Variants in HNRNPR observed in about 807,000 individuals in gnomAD.
HNRNPR encodes heterogeneous nuclear ribonucleoprotein R.
A neutral mutation model predicts 70.3 loss-of-function variants in HNRNPR; 4 were observed. That is an observed-to-expected ratio of 0.06 (90% confidence interval 0.03 to 0.13). The LOEUF is 0.13. Among genes scored for constraint, HNRNPR ranks in the 10% least tolerant of loss-of-function variants. HNRNPR has a pLI of 1.00. For synonymous variants in HNRNPR, 241 were observed against 267.6 expected (o/e 0.90, Z 0.97); for missense variants, 423 against 788.5 (o/e 0.54, Z 5.55).
intron 4 of HNRNPR, among the ~76,000 whole-genome samples, chr1:23,335,079 G>A (rs911450693): frequency 5.9e-5 from 9 of 152,120 alleles, no homozygotes; most frequent in East Asian, 1.9e-4. Context: ...CACCACACCC[G>A]GCTAATTTTT....
intron 8 of HNRNPR, among the ~76,000 whole-genome samples, chr1:23,317,251 G>A (rs1645580902): frequency 6.6e-6 from 1 of 152,096 alleles, no homozygotes; most frequent in Non-Finnish European, 1.5e-5. Context: ...AGGGTCAGGA[G>A]ATGGACACCA....
At chr1:23,334,234 C>CT (rs35129252) in intron 4 of HNRNPR, among the ~76,000 whole-genome samples, 59,911 of 105,176 alleles carry the variant, frequency 0.57, 20,580 homozygotes, top group Non-Finnish European at 0.74. Context: ...TTCTAGTGTA[C>CT]TTTTTTTTTT....
At chr1:23,340,712 T>C in intron 2 of HNRNPR, 140 bp downstream of exon 2, 1 of 689,228 alleles carries the variant, frequency 1.5e-6, no homozygotes, top group South Asian at 2.4e-5. Context: ...CCAATATGCC[T>C]TCAATGAAGG....
chr1:23,321,480 G>A, intron 7 of HNRNPR, 48 bp downstream of exon 7: 1 of 1,540,536 alleles, frequency 6.5e-7, no homozygotes, highest in Non-Finnish European at 8.9e-7. Flanking sequence ...CTTGTAAGTA[G>A]TACAACATAT....
intron 8 of HNRNPR, among the ~76,000 whole-genome samples, chr1:23,317,274 T>C (rs183608206): frequency 6.6e-6 from 1 of 151,602 alleles, no homozygotes; most frequent in African/African-American, 2.4e-5. Context: ...CTGGCTAACA[T>C]GGTGAAACCC....
Position 23,323,660 on chromosome 1 carries a change from T to C in HNRNPR, c.571A>G (p.Ile191Val). ...TCCATCATAAGACGTAGATCCCAAA[T>C]GGGTCCGGCCTTCTCAAAAAGGGGC... Reference protein sequence around the residue: ...LVPLFEKAGPIWDLRLMMDPL... With the variant: ...LVPLFEKAGPVWDLRLMMDPL... Residue 191 changes from isoleucine (I) to valine (V), a missense_variant, in exon 6 of 11, where the codon ATT (isoleucine) becomes GTT (valine). By Grantham distance (29) the Ile-to-Val change is conservative. Around this residue, in one of 7 missense-constraint regions of HNRNPR, gnomAD observed 118 missense variants for 239.3 expected, o/e 0.49. Transcript: ENST00000302271. The C allele has an allele frequency of 6.2e-7, 1 of 1,614,134 alleles. No homozygotes were observed.
At chr1:23,334,656 G>C (rs572477044) in intron 4 of HNRNPR, among the ~76,000 whole-genome samples, 1 of 152,286 alleles carries the variant, frequency 6.6e-6, no homozygotes, top group South Asian at 2.1e-4. Flanking sequence ...ATACAGTACA[G>C]ACTAAAAATA....
At chr1:23,340,260 T>C (rs12133269) in intron 2 of HNRNPR, among the ~76,000 whole-genome samples, 2,317 of 151,640 alleles carry the variant, frequency 0.015, 31 homozygotes, top group Non-Finnish European at 0.022. Flanking sequence ...CAACCAACTA[T>C]ATTAAGATGT....
chr1:23,334,361 C>T (rs753828860), intron 4 of HNRNPR, among the ~76,000 whole-genome samples: 2 of 151,660 alleles, frequency 1.3e-5, no homozygotes, highest in Non-Finnish European at 2.9e-5. Flanking sequence ...CTCAGCCTCC[C>T]GAGCAGCTGG....
chr1:23,310,578 T>A lies in HNRNPR; in HGVS notation c.1778A>T (p.Asn593Ile). The change falls in exon 11 of 11, where the codon AAC becomes ATC. Residue 593 changes from asparagine (N) to isoleucine (I), a missense_variant. By Grantham distance (149) the Asn-to-Ile change is moderately radical (BLOSUM62 -3). Coordinates refer to ENST00000302271, the MANE Select transcript of HNRNPR (RefSeq NM_005826.5). The surrounding 1 kb of genome is among the most constrained non-coding windows in gnomAD (Gnocchi z 6.0). ...CTGAGCGATGGGTTGGGAACCCCAGTTCTGTTGGTTGTTGGTCTGACGACG... is the reference window on the plus strand; with the variant it reads ...CTGAGCGATGGGTTGGGAACCCCAGATCTGTTGGTTGTTGGTCTGACGACG... ...SKRRQTNNQQNWGSQPIAQQP... is the reference protein window; with the variant it reads ...SKRRQTNNQQIWGSQPIAQQP... The A allele has an allele frequency of 1.2e-6, 2 of 1,614,210 alleles. No individual in the cohort carries two copies. Among genetic ancestry groups the A allele is most frequent in the Admixed American group, 1.7e-5 (1 of 60,032 alleles).
chr1:23,329,324 C>T (rs548787068), intron 5 of HNRNPR, among the ~76,000 whole-genome samples: 1 of 152,164 alleles, frequency 6.6e-6, no homozygotes, highest in Non-Finnish European at 1.5e-5. Flanking sequence ...AAAACTAATT[C>T]AGCACTGTTC....
chr1:23,337,521 G>A (rs1413602248), intron 4 of HNRNPR, among the ~76,000 whole-genome samples: 1 of 152,062 alleles, frequency 6.6e-6, no homozygotes, highest in Non-Finnish European at 1.5e-5. Flanking sequence ...GCTGGGTGTG[G>A]TGGTGCATGG....
At chr1:23,314,039 A>C (rs758431216) in intron 8 of HNRNPR, among the ~76,000 whole-genome samples, 5 of 152,160 alleles carry the variant, frequency 3.3e-5, no homozygotes, top group Non-Finnish European at 7.4e-5. Flanking sequence ...AAACTGAGTA[A>C]CTTTCAAAAG....
chr1:23,312,539 A>G (rs1033528169), intron 9 of HNRNPR, among the ~76,000 whole-genome samples: 4 of 152,234 alleles, frequency 2.6e-5, no homozygotes, highest in Admixed American at 2.6e-4. Flanking sequence ...AGCATAACAG[A>G]TAAGACTCCA....
At chr1:23,336,740 C>G (rs1055159370) in intron 4 of HNRNPR, among the ~76,000 whole-genome samples, 4 of 146,934 alleles carry the variant, frequency 2.7e-5, no homozygotes, top group Non-Finnish European at 5.9e-5. Flanking sequence ...AGCACTCCAG[C>G]CTGGGCCACA....
chr1:23,320,373 G>A (rs532956440), intron 7 of HNRNPR, among the ~76,000 whole-genome samples: 1 of 152,314 alleles, frequency 6.6e-6, no homozygotes, highest in Admixed American at 6.5e-5. Context: ...ACTAGATCCA[G>A]AATGTAATCT....
In HNRNPR at chr1:23,307,365, T is replaced by C. The variant is rs1645217976; in HGVS notation, c.*3089A>G. ...TTTAGAATTTAAAATATATAATTTA[T>C]TTTTTTGCATGCTGACCTTTTTAAA... On this transcript the variant is annotated 3_prime_UTR_variant, in exon 11 of 11. Coordinates refer to ENST00000302271, the MANE Select transcript of HNRNPR (RefSeq NM_005826.5). 1 of 151,968 alleles carries C rather than the reference T, an allele frequency of 6.6e-6. No individual in the cohort carries two copies. 9.4% of individuals were successfully genotyped at this position (151,968 alleles called of 1,614,324 possible). A position where few individuals can be genotyped will look rare whatever the true frequency, so the allele number is the denominator to read the frequency against.
intron 8 of HNRNPR, among the ~76,000 whole-genome samples, chr1:23,316,270 G>A (rs1645541969): frequency 6.6e-6 from 1 of 152,084 alleles, no homozygotes; most frequent in South Asian, 2.1e-4. Context: ...GCACATGTGG[G>A]CAGCTACTGC....
intron 4 of HNRNPR, among the ~76,000 whole-genome samples, chr1:23,336,767 CAAA>C (rs34880516): frequency 1.0e-4 from 6 of 59,578 alleles, no homozygotes; most frequent in Admixed American, 4.0e-4. Flanking sequence ...GACTCTGTCT[CAAA>C]AAAAAAAAAA....
Sources: gnomAD v4.1 joint callset for allele counts (sites outside exome capture counted in the v4.1 genomes callset) on GRCh38, gnomAD v4.1.1 for gene constraint, gnomAD v4.1.1 regional missense constraint, Gnocchi (gnomAD v3.1) non-coding constraint, MANE v1.5 for transcripts, NCBI Gene and HGNC (gene_info 2026-07-23, HGNC 2026-07-21) for gene names.